VAT1L: variants seen among roughly 807,000 people sequenced by gnomAD.
VAT1L encodes vesicle amine transport 1 like.
In VAT1L, 34 loss-of-function variants were observed where a neutral mutation model predicts 44.1. That is an observed-to-expected ratio of 0.77 (90% confidence interval 0.59 to 1.03). The LOEUF (loss-of-function observed/expected upper bound fraction) is 1.03, where lower values mean the gene tolerates loss of function less well. VAT1L is among the 50% of genes least tolerant of loss of function. VAT1L has a pLI of 0.00. For missense variants in VAT1L, 615 were observed against 538.8 expected (o/e 1.14, Z -1.40); for synonymous variants, 253 against 202.2 (o/e 1.25, Z -2.13).
At chr16:77,946,172 A>T (rs1236417322) in intron 7 of VAT1L, among the ~76,000 whole-genome samples, 1 of 151,848 alleles carries the variant, frequency 6.6e-6, no homozygotes, top group African/African-American at 2.4e-5. Flanking sequence ...TCCCTCTTGT[A>T]CACTCATAAG....
At chr16:77,882,037 G>A (rs2017160470) in intron 6 of VAT1L, 1 of 152,192 alleles carries the variant, frequency 6.6e-6, no homozygotes, top group African/African-American at 2.4e-5. Flanking sequence ...CCAAAGCAGG[G>A]GTTCCTATTT....
intron 7 of VAT1L, among the ~76,000 whole-genome samples, chr16:77,951,666 C>T (rs148120206): frequency 6.6e-5 from 10 of 151,938 alleles, no homozygotes; most frequent in East Asian, 3.9e-4. Context: ...TTTAAGGAAG[C>T]GATTACTCTA....
rs1358776207 is a variant in VAT1L, at chr16:77,952,344, C to G, written c.1078-19506C>G. On this transcript the variant is annotated intron_variant, in intron 7 of 8. Transcript: ENST00000302536. ...GTAATCCCCAACGTTGGAGATGGGG[C>G]CTAGTGGGAGGTGTTCGGATCAGGG... 2.6e-5 allele frequency among the ~76,000 whole-genome samples: 4 copies of G among 152,062 alleles called. No individual in the cohort carries two copies. In the East Asian group the frequency reaches 7.7e-4, roughly 29 times the overall value.
intron 7 of VAT1L, among the ~76,000 whole-genome samples, chr16:77,899,223 T>C (rs1196521948): frequency 6.6e-6 from 1 of 152,184 alleles, no homozygotes; most frequent in African/African-American, 2.4e-5. Context: ...AGACAAAAAG[T>C]GGTGGAGCCA....
rs143124670 is a variant in VAT1L, at chr16:77,954,261, C to G, written c.1078-17589C>G. On this transcript the variant is annotated intron_variant, in intron 7 of 8. Transcript: ENST00000302536. ...GGAGTGAAAAGGGTTGTAGTCACGG[C>G]TATCTGCTGCTTTCCAGCATGCCAG... Among the ~76,000 whole-genome samples the G allele has an allele frequency of 4.3e-3, 650 of 152,286 alleles. 8 individuals are homozygous for G. Among genetic ancestry groups the G allele is most frequent in the African/African-American group, 0.015 (626 of 41,558 alleles).
chr16:77,835,799 G>A (rs916819912), intron 3 of VAT1L, among the ~76,000 whole-genome samples: 16 of 152,060 alleles, frequency 1.1e-4, no homozygotes, highest in Non-Finnish European at 2.1e-4. Flanking sequence ...CTTGAACCCC[G>A]GAGGCGGAGG....
intron 7 of VAT1L, among the ~76,000 whole-genome samples, chr16:77,959,231 A>G (rs527494785): frequency 3.3e-5 from 5 of 152,178 alleles, no homozygotes; most frequent in Non-Finnish European, 5.9e-5. Flanking sequence ...CTTCCAGTCG[A>G]TTAATTCATG....
intron 7 of VAT1L, among the ~76,000 whole-genome samples, chr16:77,944,261 G>A (rs1016249860): frequency 6.6e-6 from 1 of 152,084 alleles, no homozygotes; most frequent in Admixed American, 6.6e-5. Context: ...AAGTGAGCTT[G>A]GTCCCTCTAA....
intron 7 of VAT1L, among the ~76,000 whole-genome samples, chr16:77,944,434 G>A (rs1200788583): frequency 1.3e-5 from 2 of 152,154 alleles, no homozygotes; most frequent in Non-Finnish European, 2.9e-5. Context: ...GAAGGATAAT[G>A]GGCATGACAG....
At chr16:77,944,271 A>T (rs891940265) in intron 7 of VAT1L, among the ~76,000 whole-genome samples, 17 of 152,250 alleles carry the variant, frequency 1.1e-4, no homozygotes, top group African/African-American at 3.9e-4. Flanking sequence ...GGTCCCTCTA[A>T]AAGATGTGTT....
chr16:77,857,990 G>C (rs527463934), intron 3 of VAT1L, among the ~76,000 whole-genome samples: 1 of 152,028 alleles, frequency 6.6e-6, no homozygotes, highest in Non-Finnish European at 1.5e-5. Context: ...ACTGGGAAGG[G>C]CTGCCCCCAT....
chr16:77,847,678 A>G (rs558592148), intron 3 of VAT1L, among the ~76,000 whole-genome samples: 7 of 152,324 alleles, frequency 4.6e-5, no homozygotes, highest in Admixed American at 1.3e-4. Context: ...ATGCATCAAA[A>G]GGGCCAGGTC....
chr16:77,950,575 AAG>A (rs2018030736), intron 7 of VAT1L, among the ~76,000 whole-genome samples: 1 of 152,238 alleles, frequency 6.6e-6, no homozygotes, highest in African/African-American at 2.4e-5. Context: ...TAAGCAGAAT[AAG>A]AAATTGTATG....
At chr16:77,927,077 G>A (rs390223) in intron 7 of VAT1L, among the ~76,000 whole-genome samples, 22,333 of 152,056 alleles carry the variant, frequency 0.15, 2,031 homozygotes, top group Non-Finnish European at 0.19. Flanking sequence ...GGTGGCTCAC[G>A]CCTGTAATCC....
chr16:77,850,916 A>G (rs1354314152), intron 3 of VAT1L, among the ~76,000 whole-genome samples: 1 of 152,130 alleles, frequency 6.6e-6, no homozygotes, highest in East Asian at 1.9e-4. Flanking sequence ...CTGGAGTCCA[A>G]CTCTCAAACA....
chr16:77,829,661 T>G (rs1178509979), intron 3 of VAT1L, among the ~76,000 whole-genome samples: 1 of 152,176 alleles, frequency 6.6e-6, no homozygotes, highest in Non-Finnish European at 1.5e-5. Context: ...AAAGGAAAAG[T>G]AACAAAATAG....
At chr16:77,862,611 A>G in intron 3 of VAT1L, 137 bp from the exon 4 acceptor site, 1 of 869,034 alleles carries the variant, frequency 1.2e-6, no homozygotes, top group Non-Finnish European at 1.7e-6. Context: ...TGACAGAGTG[A>G]GACTCCATCT....
intron 8 of VAT1L, among the ~76,000 whole-genome samples, chr16:77,972,573 G>C (rs1465749673): frequency 1.3e-5 from 2 of 152,056 alleles, no homozygotes; most frequent in Non-Finnish European, 2.9e-5. Context: ...CTGAGGTCAG[G>C]AGTTTGAGAC....
At chr16:77,943,247 G>C (rs868762112) in intron 7 of VAT1L, among the ~76,000 whole-genome samples, 1 of 149,904 alleles carries the variant, frequency 6.7e-6, no homozygotes, top group South Asian at 2.1e-4. Context: ...AGTAGAGATG[G>C]GGTTTCACCA....
Sources: allele counts gnomAD v4.1 joint callset (sites outside exome capture counted in the v4.1 genomes callset), GRCh38; gene constraint gnomAD v4.1.1; transcripts MANE v1.5; gene names NCBI Gene and HGNC (gene_info 2026-07-23, HGNC 2026-07-21).